EGLN3: variants seen among roughly 807,000 people sequenced by gnomAD.
The protein encoded by EGLN3 is egl-9 family hypoxia inducible factor 3.
EGLN3 carries 15 observed loss-of-function variants against 26.0 expected under a neutral mutation model. The observed-to-expected ratio is 0.58, with a 90% CI of 0.39 to 0.89. The LOEUF is 0.89. EGLN3 is among the 40% of genes least tolerant of loss of function. The pLI is 0.00. For missense variants in EGLN3, 238 were observed against 311.6 expected (o/e 0.76, Z 1.78); for synonymous variants, 147 against 127.2 (o/e 1.16, Z -1.05).
At chr14:33,947,900 A>G (rs1303565842) in intron 1 of EGLN3, among the ~76,000 whole-genome samples, 1 of 152,108 alleles carries the variant, frequency 6.6e-6, no homozygotes. Context: ...AAATACAAAA[A>G]TTAGCTGGGC....
In EGLN3 at chr14:33,950,847, CG is replaced by C; in HGVS notation, c.-96del. On this transcript the variant is annotated 5_prime_UTR_variant, in exon 1 of 5. Coordinates refer to ENST00000250457, the MANE Select transcript of EGLN3 (RefSeq NM_022073.4). ...AAGCCGAGGCGCGGGGAGCGTGGCCCGGGGTTCAGAAACCTGCGGCTGCCAC... is the reference window on the plus strand; with the variant it reads ...AAGCCGAGGCGCGGGGAGCGTGGCCCGGGTTCAGAAACCTGCGGCTGCCAC... 2.5e-6 allele frequency: 3 copies of C among 1,202,914 alleles called. No homozygotes were observed. Among genetic ancestry groups the C allele is most frequent in the Non-Finnish European group, 3.5e-6 (3 of 849,724 alleles). The allele number at this position is 1,202,914 out of a possible 1,614,324, so 74.5% of individuals were successfully genotyped here.
At chr14:33,935,477 C>A (rs1208088933) in intron 1 of EGLN3, among the ~76,000 whole-genome samples, 1 of 151,992 alleles carries the variant, frequency 6.6e-6, no homozygotes, top group Non-Finnish European at 1.5e-5. Context: ...CTGTTATTTT[C>A]AATGAGAGCA....
rs187607773 is a variant in EGLN3 at position 33,939,787 on chromosome 14, A to C, written c.358-8572T>G. ...TTTACCGATGAGGAAATGGAGGCAC[A>C]GAGAGCTTAGGTAACTTGCCTTTTT... On this transcript the variant is annotated intron_variant, in intron 1 of 4. Coordinates refer to ENST00000250457, the MANE Select transcript of EGLN3 (RefSeq NM_022073.4). Among the ~76,000 whole-genome samples, 393 of 152,364 alleles carry C rather than the reference A, an allele frequency of 2.6e-3. 2 individuals are homozygous for C. Among genetic ancestry groups the C allele is most frequent in the African/African-American group, 9.0e-3 (373 of 41,598 alleles).
intron 1 of EGLN3, among the ~76,000 whole-genome samples, chr14:33,943,201 A>AACAGAC (rs2064495341): frequency 1.3e-5 from 2 of 152,214 alleles, no homozygotes; most frequent in Non-Finnish European, 2.9e-5. Flanking sequence ...TTGCTTGGCA[A>AACAGAC]ACAGACACAT....
At chr14:33,937,808 T>C (rs1273733218) in intron 1 of EGLN3, among the ~76,000 whole-genome samples, 10 of 152,114 alleles carry the variant, frequency 6.6e-5, no homozygotes, top group Non-Finnish European at 1.5e-4. Context: ...TACACCTGAA[T>C]TTTCTAATAT....
intron 3 of EGLN3, among the ~76,000 whole-genome samples, chr14:33,928,585 G>A (rs1316647898): frequency 6.6e-6 from 1 of 152,148 alleles, no homozygotes; most frequent in Non-Finnish European, 1.5e-5. Context: ...GCAAGCCCAA[G>A]CCAATTTCAA....
At chr14:33,949,560 T>C (rs1349004546) in intron 1 of EGLN3, 1 of 152,224 alleles carries the variant, frequency 6.6e-6, no homozygotes, top group Non-Finnish European at 1.5e-5. Context: ...CCCAAAGTAA[T>C]GGACATGCAC....
rs138675133 is a variant in EGLN3, at chr14:33,947,296, G to A, written c.357+3100C>T. 3.4e-3 allele frequency among the ~76,000 whole-genome samples: 510 copies of A among 152,234 alleles called. 1 individual carries two copies. Among genetic ancestry groups the A allele is most frequent in the African/African-American group, 0.012 (498 of 41,532 alleles). The stretch of plus-strand genomic sequence containing the variant: ...AAGCAATGATCATGCTTGAAGTTAG[G>A]GGGGGCCATACAGCTGTACATTACA... On this transcript the variant is annotated intron_variant, in intron 1 of 4. Coordinates refer to ENST00000250457, the MANE Select transcript of EGLN3 (RefSeq NM_022073.4).
At chr14:33,931,787 A>G (rs1255018637) in intron 1 of EGLN3, among the ~76,000 whole-genome samples, 4 of 152,258 alleles carry the variant, frequency 2.6e-5, no homozygotes, top group Non-Finnish European at 5.9e-5. Flanking sequence ...GCCGCACCCT[A>G]ACTTGTTAAC....
intron 1 of EGLN3, among the ~76,000 whole-genome samples, chr14:33,942,159 A>G (rs1680692): frequency 0.33 from 50,445 of 152,026 alleles, 8,541 homozygotes; most frequent in Non-Finnish European, 0.37. Flanking sequence ...AATGGATTAC[A>G]GGAAGAACAA....
At chr14:33,926,685 G>C (rs1448549486) in intron 4 of EGLN3, among the ~76,000 whole-genome samples, 2 of 152,042 alleles carry the variant, frequency 1.3e-5, no homozygotes, top group African/African-American at 2.4e-5. Flanking sequence ...TGTTACATTT[G>C]ACTGGTTAAC....
chr14:33,927,911 A>G (rs1245072612), intron 3 of EGLN3, among the ~76,000 whole-genome samples: 2 of 152,038 alleles, frequency 1.3e-5, no homozygotes, highest in Non-Finnish European at 2.9e-5. Flanking sequence ...GCTTTATCCC[A>G]TTCATTGGAT....
intron 1 of EGLN3, among the ~76,000 whole-genome samples, chr14:33,932,213 C>G (rs2138813956): frequency 6.6e-6 from 1 of 152,242 alleles, no homozygotes; most frequent in South Asian, 2.1e-4. Context: ...ATTCTTAGCA[C>G]CTAGGACAGT....
intron 1 of EGLN3, among the ~76,000 whole-genome samples, chr14:33,946,469 T>G (rs2064519259): frequency 6.6e-6 from 1 of 152,174 alleles, no homozygotes; most frequent in South Asian, 2.1e-4. Flanking sequence ...ACTTCAATGT[T>G]TGAGGGTTTT....
rs939875556 is a variant in EGLN3, at chr14:33,928,971, G to A, written c.614+105C>T. The stretch of plus-strand genomic sequence containing the variant: ...AAACAAGTTTGCTATCAGCTATGGG[G>A]TGTGGTCAATCCCCCACATGCACAG... On this transcript the variant is annotated intron_variant, in intron 3 of 4. Transcript: ENST00000250457. 16 of 1,366,038 alleles carry A rather than the reference G, an allele frequency of 1.2e-5. 1 individual carries two copies. In the South Asian group the frequency reaches 1.7e-4, roughly 15 times the overall value. The allele number at this position is 1,366,038 out of a possible 1,614,324, so 84.6% of individuals were successfully genotyped here.
chr14:33,932,090 CG>C (rs2064409045), intron 1 of EGLN3, among the ~76,000 whole-genome samples: 1 of 152,066 alleles, frequency 6.6e-6, no homozygotes. Context: ...CACAGGATAC[CG>C]CCATGTTTGA....
intron 1 of EGLN3, among the ~76,000 whole-genome samples, chr14:33,944,551 A>G (rs1050116900): frequency 6.6e-6 from 1 of 152,220 alleles, no homozygotes; most frequent in Non-Finnish European, 1.5e-5. Flanking sequence ...ATATCTCTCT[A>G]GCCCTAAAAA....
At chr14:33,931,619 G>A (rs2064404491) in intron 1 of EGLN3, among the ~76,000 whole-genome samples, 1 of 152,210 alleles carries the variant, frequency 6.6e-6, no homozygotes, top group South Asian at 2.1e-4. Context: ...GATTATGACT[G>A]TTTAGCAAGT....
chr14:33,927,615 G>C (rs10138194), intron 3 of EGLN3, among the ~76,000 whole-genome samples: 2 of 151,990 alleles, frequency 1.3e-5, no homozygotes. Context: ...GCGATCTCAG[G>C]CTCCAAGTAG....
Sources: allele counts gnomAD v4.1 joint callset (sites outside exome capture counted in the v4.1 genomes callset), GRCh38; gene constraint gnomAD v4.1.1; transcripts MANE v1.5; gene names NCBI Gene and HGNC (gene_info 2026-07-23, HGNC 2026-07-21).